The following FBXL17 variants were observed in gnomAD, a reference collection of about 807,000 sequenced individuals.
The protein encoded by FBXL17 is F-box and leucine rich repeat protein 17.
A neutral mutation model predicts 66.2 loss-of-function variants in FBXL17; 22 were observed. The ratio of observed to expected loss-of-function variants is 0.33; its 90% CI spans 0.24 to 0.47. The LOEUF is 0.47. FBXL17 is among the 20% of genes least tolerant of loss of function. The probability of loss-of-function intolerance (pLI) is 1.00; values close to 1 mark genes in which losing one functional copy is unlikely to be tolerated. For missense variants in FBXL17, 878 were observed against 948.2 expected (o/e 0.93, Z 0.97); for synonymous variants, 474 against 400.5 (o/e 1.18, Z -2.19).
chr5:108,344,951 C>A (rs1747168785), intron 4 of FBXL17, among the ~76,000 whole-genome samples: 1 of 152,172 alleles, frequency 6.6e-6, no homozygotes, highest in Non-Finnish European at 1.5e-5. Context: ...AGTTTTACAG[C>A]AAATGCAAAC....
chr5:107,916,356 T>C (rs1750133166), intron 7 of FBXL17, among the ~76,000 whole-genome samples: 1 of 152,184 alleles, frequency 6.6e-6, no homozygotes, highest in Admixed American at 6.5e-5. Flanking sequence ...AACCCAACCT[T>C]ATACACATTC....
chr5:108,291,036 A>C (rs1216461908), intron 4 of FBXL17, among the ~76,000 whole-genome samples: 2 of 152,204 alleles, frequency 1.3e-5, no homozygotes, highest in Non-Finnish European at 1.5e-5. Flanking sequence ...TAAAGAACAG[A>C]TTTAAATTGT....
intron 8 of FBXL17, among the ~76,000 whole-genome samples, chr5:107,865,809 G>A (rs879268484): frequency 1.2e-4 from 18 of 152,110 alleles, no homozygotes; most frequent in Admixed American, 1.0e-3. Flanking sequence ...CCTGGCAATA[G>A]TGTGACAAAT....
chr5:108,084,447 A>G (rs549614685), intron 6 of FBXL17, among the ~76,000 whole-genome samples: 1 of 152,324 alleles, frequency 6.6e-6, no homozygotes, highest in South Asian at 2.1e-4. Context: ...AACTCACCCA[A>G]AATAAGTTTC....
At chr5:107,945,971 C>T (rs1444877626) in intron 7 of FBXL17, among the ~76,000 whole-genome samples, 1 of 151,942 alleles carries the variant, frequency 6.6e-6, no homozygotes, top group African/African-American at 2.4e-5. Flanking sequence ...CATAATCTAA[C>T]AGCCAGACAT....
intron 6 of FBXL17, among the ~76,000 whole-genome samples, chr5:108,062,624 CTT>C (rs1747966897): frequency 1.3e-5 from 2 of 152,078 alleles, no homozygotes; most frequent in South Asian, 4.1e-4. Flanking sequence ...TCTAATAAAA[CTT>C]AACAGTTTTT....
At chr5:108,263,334 CATT>C (rs1431456512) in intron 4 of FBXL17, among the ~76,000 whole-genome samples, 2 of 151,988 alleles carry the variant, frequency 1.3e-5, no homozygotes, top group African/African-American at 4.8e-5. Context: ...AAAAAACTAT[CATT>C]ATTTTTAGAT....
In FBXL17 at chr5:108,076,944, A is replaced by G. The variant is rs547039910; in HGVS notation, c.1746-55943T>C. 9.8e-5 allele frequency among the ~76,000 whole-genome samples: 15 copies of G among 152,306 alleles called. No individual in the cohort carries two copies. The South Asian group carries it at 3.1e-3, about 32-fold the overall frequency. On this transcript the variant is annotated intron_variant, in intron 6 of 8. Transcript: ENST00000542267. ...CTGAGGTTGACTTTATGGAGCCAATAAGAAACCCCTTGGAAAGACTGGTCT... is the reference window on the plus strand; with the variant it reads ...CTGAGGTTGACTTTATGGAGCCAATGAGAAACCCCTTGGAAAGACTGGTCT...
At chr5:108,141,772 C>CAG in intron 6 of FBXL17, among the ~76,000 whole-genome samples, 1 of 152,342 alleles carries the variant, frequency 6.6e-6, no homozygotes, top group African/African-American at 2.4e-5. Flanking sequence ...TTCTAGCAAT[C>CAG]AGACTATACG....
chr5:108,351,606 C>G (rs766458624), intron 3 of FBXL17, among the ~76,000 whole-genome samples: 7 of 152,198 alleles, frequency 4.6e-5, no homozygotes, highest in Non-Finnish European at 7.3e-5. Context: ...ACTCCAGAGT[C>G]AGGTTAACAA....
At chr5:108,177,745 T>C (rs1752844564) in intron 6 of FBXL17, among the ~76,000 whole-genome samples, 2 of 151,968 alleles carry the variant, frequency 1.3e-5, no homozygotes, top group African/African-American at 4.8e-5. Flanking sequence ...TCAACGTGTC[T>C]GGGCCTTAAT....
chr5:108,063,960 T>C (rs1469073948), intron 6 of FBXL17, among the ~76,000 whole-genome samples: 1 of 152,176 alleles, frequency 6.6e-6, no homozygotes, highest in Non-Finnish European at 1.5e-5. Context: ...CAAAGACACA[T>C]TAACATGACA....
chr5:107,939,178 T>C (rs1484326698), intron 7 of FBXL17, among the ~76,000 whole-genome samples: 2 of 152,170 alleles, frequency 1.3e-5, no homozygotes, highest in African/African-American at 2.4e-5. Context: ...CCAGGTATTA[T>C]GCTATTGGAC....
At chr5:108,102,863 C>A (rs547705024) in intron 6 of FBXL17, among the ~76,000 whole-genome samples, 3 of 152,236 alleles carry the variant, frequency 2.0e-5, no homozygotes, top group South Asian at 2.1e-4. Flanking sequence ...ATAGAGAAAT[C>A]TTAAGACAAA....
intron 6 of FBXL17, among the ~76,000 whole-genome samples, chr5:108,092,871 G>A (rs908112334): frequency 6.6e-6 from 1 of 152,050 alleles, no homozygotes; most frequent in African/African-American, 2.4e-5. Flanking sequence ...TTGTTTTGAG[G>A]AAAGAAAGGA....
intron 7 of FBXL17, among the ~76,000 whole-genome samples, chr5:107,981,585 C>T (rs935902554): frequency 2.6e-5 from 4 of 152,234 alleles, no homozygotes; most frequent in African/African-American, 9.6e-5. Flanking sequence ...CTTTGAGTGT[C>T]CCACTGGTCT....
chr5:107,983,671 C>T (rs1752910315), intron 7 of FBXL17, among the ~76,000 whole-genome samples: 1 of 152,138 alleles, frequency 6.6e-6, no homozygotes, highest in Admixed American at 6.5e-5. Context: ...CAAAGAAGTG[C>T]TTCTAGTGGT....
At chr5:108,260,399 T>C (rs1333663650) in intron 4 of FBXL17, among the ~76,000 whole-genome samples, 4 of 152,136 alleles carry the variant, frequency 2.6e-5, no homozygotes, top group African/African-American at 9.7e-5. Context: ...ACAGGGTAGC[T>C]ATATCCAGGA....
chr5:108,054,610 G>A lies in FBXL17; in HGVS notation c.1746-33609C>T, dbSNP rs117709474. The stretch of plus-strand genomic sequence containing the variant: ...CTCCTAGTCAGCCTTTGCTGAATGG[G>A]TTAAGAGTAGGGTCACAATTTTTCT... On this transcript the variant is annotated intron_variant, in intron 6 of 8. Transcript: ENST00000542267. Among the ~76,000 whole-genome samples the A allele has an allele frequency of 2.0e-4, 31 of 152,304 alleles. No homozygotes were observed. The East Asian group carries it at 6.0e-3, about 29-fold the overall frequency.
Sources: allele counts gnomAD v4.1 joint callset (sites outside exome capture counted in the v4.1 genomes callset), GRCh38; gene constraint gnomAD v4.1.1; transcripts MANE v1.5; gene names NCBI Gene and HGNC (gene_info 2026-07-23, HGNC 2026-07-21).